Variants in ABCC4 observed in about 807,000 individuals in gnomAD.
ABCC4 encodes ATP-binding cassette sub-family C member 4.
ABCC4 carries 102 observed loss-of-function variants against 168.5 expected under a neutral mutation model. The ratio of observed to expected loss-of-function variants is 0.61; its 90% confidence interval spans 0.52 to 0.71. The LOEUF is 0.71. ABCC4 is among the 30% of genes least tolerant of loss of function. ABCC4 has a pLI of 0.00. For missense variants in ABCC4, 1,402 were observed against 1,605.8 expected, an observed-to-expected ratio of 0.87 and a Z score of 2.17; for synonymous variants, 617 against 590.7, an observed-to-expected ratio of 1.04 and a Z score of -0.65.
chr13:95,170,618 G>T lies in ABCC4; in HGVS notation c.1738C>A (p.Gln580Lys). ...ATTGTGATCTTCTCATGCAAAATTT[G>T]ACAAATACACCTATAAATGTAAAAG... Reference protein sequence around the residue: ...SRHLFELCICQILHEKITILV... With the variant: ...SRHLFELCICKILHEKITILV... The change falls in exon 14 of 31, where the codon CAA (glutamine) becomes AAA (lysine). Residue 580 changes from glutamine to lysine, a missense_variant. Physicochemically the swap from Gln to Lys is moderately conservative, Grantham distance 53. Around this residue, in one of 3 missense-constraint regions of ABCC4, gnomAD observed 1,007 missense variants for 1,127.3 expected, o/e 0.89. Coordinates refer to ENST00000645237, the MANE Select transcript of ABCC4 (RefSeq NM_005845.5). The T allele has an allele frequency of 6.2e-7, 1 of 1,608,216 alleles. No homozygotes were observed. Among genetic ancestry groups the T allele is most frequent in the South Asian group, 1.1e-5 (1 of 90,520 alleles).
chr13:95,111,365 A>T (rs996224562), intron 20 of ABCC4, among the ~76,000 whole-genome samples: 10 of 152,356 alleles, frequency 6.6e-5, no homozygotes, highest in Middle Eastern at 3.4e-3. Context: ...TGATTAGCCC[A>T]TGGCAACCTT....
intron 14 of ABCC4, 107 bp downstream of exon 14, chr13:95,170,425 C>T: frequency 1.6e-6 from 1 of 628,736 alleles, no homozygotes; most frequent in Non-Finnish European, 2.7e-6. Flanking sequence ...TACTTAAAAA[C>T]ATGAATCCCA....
chr13:95,044,772 T>G (rs1398229566), intron 27 of ABCC4, among the ~76,000 whole-genome samples: 1 of 152,216 alleles, frequency 6.6e-6, no homozygotes, highest in Non-Finnish European at 1.5e-5. Context: ...AATAAAAGTA[T>G]TCTGTAGGTA....
At chr13:95,114,806 T>C (rs1220976038) in intron 20 of ABCC4, among the ~76,000 whole-genome samples, 2 of 152,208 alleles carry the variant, frequency 1.3e-5, no homozygotes, top group Non-Finnish European at 2.9e-5. Context: ...TTTTGCTTCC[T>C]TTATAACTGT....
intron 11 of ABCC4, among the ~76,000 whole-genome samples, chr13:95,180,186 T>C (rs1379016008): frequency 6.6e-6 from 1 of 152,210 alleles, no homozygotes; most frequent in Non-Finnish European, 1.5e-5. Flanking sequence ...TGCCCCATTA[T>C]GAAAATTCAT....
chr13:95,151,811 G>T (rs1288175804), intron 19 of ABCC4, among the ~76,000 whole-genome samples: 2 of 152,170 alleles, frequency 1.3e-5, no homozygotes, highest in South Asian at 2.1e-4. Flanking sequence ...TTACCTGTTA[G>T]AACCCTGAGG....
At chr13:95,138,294 T>A (rs17268093) in intron 19 of ABCC4, among the ~76,000 whole-genome samples, 6,776 of 152,312 alleles carry the variant, frequency 0.044, 218 homozygotes, top group Middle Eastern at 0.13. Flanking sequence ...TGTGTACATG[T>A]CCTTATGCAA....
At chr13:95,173,575 A>G (rs2037554353) in intron 13 of ABCC4, among the ~76,000 whole-genome samples, 1 of 152,182 alleles carries the variant, frequency 6.6e-6, no homozygotes, top group Non-Finnish European at 1.5e-5. Flanking sequence ...AGAAGTGTGC[A>G]TGGCTGGAGG....
At chr13:95,233,491 CTA>C (rs1384794973) in intron 4 of ABCC4, among the ~76,000 whole-genome samples, 2 of 151,960 alleles carry the variant, frequency 1.3e-5, no homozygotes, top group Non-Finnish European at 2.9e-5. Flanking sequence ...ACACTGAAGA[CTA>C]CTAGAGTTGG....
At chr13:95,298,876 G>C (rs955640715) in intron 1 of ABCC4, among the ~76,000 whole-genome samples, 1 of 152,060 alleles carries the variant, frequency 6.6e-6, no homozygotes, top group Non-Finnish European at 1.5e-5. Context: ...TTCCATCAGG[G>C]AAACCGGAAA....
At chr13:95,082,617 T>C (rs1440618348) in intron 21 of ABCC4, among the ~76,000 whole-genome samples, 1 of 152,224 alleles carries the variant, frequency 6.6e-6, no homozygotes, top group Non-Finnish European at 1.5e-5. Context: ...TGCAACTTCC[T>C]AGCCATTTTG....
At chr13:95,107,389 T>C (rs911191041) in intron 20 of ABCC4, among the ~76,000 whole-genome samples, 2 of 152,232 alleles carry the variant, frequency 1.3e-5, no homozygotes, top group Non-Finnish European at 2.9e-5. Flanking sequence ...GTTTATAGTA[T>C]TTAAATTTAA....
intron 1 of ABCC4, 74 bp downstream of exon 1, chr13:95,301,167 G>C: frequency 2.1e-6 from 3 of 1,404,402 alleles, no homozygotes; most frequent in Non-Finnish European, 2.9e-6. Context: ...GGGCAGCATC[G>C]GGCGCGGCCC....
At chr13:95,193,081 T>C (rs2038306964) in intron 9 of ABCC4, among the ~76,000 whole-genome samples, 1 of 152,122 alleles carries the variant, frequency 6.6e-6, no homozygotes, top group South Asian at 2.1e-4. Context: ...AGAAATTACA[T>C]CAGAATTAGG....
chr13:95,117,836 C>T (rs996179771), intron 19 of ABCC4, among the ~76,000 whole-genome samples: 1 of 151,232 alleles, frequency 6.6e-6, no homozygotes, highest in African/African-American at 2.4e-5. Flanking sequence ...CCCAGTACTT[C>T]TGAAGGCAGA....
intron 23 of ABCC4, chr13:95,073,589 A>G: frequency 8.1e-6 from 2 of 246,670 alleles, no homozygotes; most frequent in Non-Finnish European, 1.5e-5. Flanking sequence ...TTATTCAGAC[A>G]TTCATTATTA....
At chr13:95,268,241 T>C (rs1433352742) in intron 1 of ABCC4, among the ~76,000 whole-genome samples, 1 of 152,208 alleles carries the variant, frequency 6.6e-6, no homozygotes, top group African/African-American at 2.4e-5. Flanking sequence ...GCTAAACAAA[T>C]GCTTGAAGAC....
rs71111594 is a variant in ABCC4 at position 95,126,720 on chromosome 13, AATATATATAT to A, written c.2456-10729_2456-10720del. The stretch of plus-strand genomic sequence containing the variant: ...ATAAAAATGCATGAACTTTTTTTGG[AATATATATAT>A]ATATATATATATATATATATATATT... On this transcript the variant is annotated intron_variant, in intron 19 of 30. Transcript: ENST00000645237. Among the ~76,000 whole-genome samples the A allele has an allele frequency of 2.5e-3, 205 of 81,656 alleles. 11 individuals carry two copies. Among genetic ancestry groups the A allele is most frequent in the Middle Eastern group, 0.017 (3 of 172 alleles). 53.6% of individuals were successfully genotyped at this position (81,656 alleles called of 152,430 possible).
chr13:95,210,125 G>C (rs2038910543), intron 5 of ABCC4, among the ~76,000 whole-genome samples: 1 of 152,246 alleles, frequency 6.6e-6, no homozygotes, highest in Admixed American at 6.5e-5. Context: ...AGTGCAAAAT[G>C]AATATGGCCA....
Sources: gnomAD v4.1 joint callset for allele counts (sites outside exome capture counted in the v4.1 genomes callset) on GRCh38, gnomAD v4.1.1 for gene constraint, gnomAD v4.1.1 regional missense constraint, MANE v1.5 for transcripts, NCBI Gene and HGNC (gene_info 2026-07-23, HGNC 2026-07-21) for gene names.